LIG1: variants seen among roughly 807,000 people sequenced by gnomAD.
LIG1 encodes the protein ligase I, DNA, ATP-dependent.
A neutral mutation model predicts 115.7 loss-of-function variants in LIG1; 70 were observed. The ratio of observed to expected loss-of-function variants is 0.60; its 90% confidence interval spans 0.50 to 0.74. The LOEUF is 0.74. LIG1 is among the 30% of genes least tolerant of loss of function. The pLI is 0.00. For synonymous variants in LIG1, 487 were observed against 495.3 expected (o/e 0.98, Z 0.22); for missense variants, 1,115 against 1,225.6 (o/e 0.91, Z 1.35).
chr19:48,151,658 T>C (rs1021427415), intron 6 of LIG1, among the ~76,000 whole-genome samples: 4 of 152,124 alleles, frequency 2.6e-5, no homozygotes, highest in African/African-American at 4.8e-5. Context: ...CTTGAACTAC[T>C]GACCTCAGGT....
intron 4 of LIG1, among the ~76,000 whole-genome samples, chr19:48,159,709 A>C (rs2036060163): frequency 7.3e-6 from 1 of 136,868 alleles, no homozygotes; most frequent in Admixed American, 7.2e-5. Flanking sequence ...CCACTTGCTT[A>C]TTTATTTATT....
Position 48,143,560 on chromosome 19 carries a change from G to T in LIG1, c.897C>A (p.Ile299=), listed in dbSNP as rs150960491. 61 of 1,602,736 alleles carry T rather than the reference G, an allele frequency of 3.8e-5. No homozygotes were observed. Among genetic ancestry groups the T allele is most frequent in the Middle Eastern group, 3.3e-4 (2 of 5,976 alleles). ...TTAGTTACCGAGCAGACACCTCCTC[G>T]ATCTTCTCAAACGTCCGGGCCACAG... is the stretch of plus-strand genomic sequence containing the variant. ...YLAVARTFEK[I]EEVSARLRMV... Residue 299 remains isoleucine, a synonymous_variant, in exon 11 of 28, where the codon ATC becomes ATA. Transcript: ENST00000263274.
intron 17 of LIG1, 161 bp from the exon 18 acceptor site, chr19:48,133,258 G>T: frequency 1.6e-6 from 1 of 635,350 alleles, no homozygotes; most frequent in Non-Finnish European, 2.8e-6. Flanking sequence ...CTCCCACTGG[G>T]GACTACAGCC....
intron 9 of LIG1, 89 bp downstream of exon 9, chr19:48,149,674 G>T: frequency 2.0e-6 from 2 of 1,003,088 alleles, no homozygotes; most frequent in South Asian, 2.7e-5. Context: ...CCTGCAAGAG[G>T]AGGAAGCCTG....
chr19:48,139,067 T>A (rs1369099995), intron 12 of LIG1, among the ~76,000 whole-genome samples: 2 of 152,188 alleles, frequency 1.3e-5, no homozygotes, highest in African/African-American at 2.4e-5. Context: ...TCCCAGCACA[T>A]CCTCTCCCCA....
At chr19:48,135,618 CA>C in intron 16 of LIG1, 61 bp downstream of exon 16, 1 of 1,335,320 alleles carries the variant, frequency 7.5e-7, no homozygotes, top group Non-Finnish European at 1.1e-6. Flanking sequence ...CCTCTGGCTC[CA>C]CCCCCACCCT....
intron 5 of LIG1, chr19:48,154,548 G>A (rs2035715172): frequency 1.1e-5 from 2 of 183,274 alleles, no homozygotes; most frequent in Admixed American, 5.3e-5. Context: ...TGTGTTGGCT[G>A]CTCCCCTGTC....
rs189158499 is a variant in LIG1 at position 48,140,158 on chromosome 19, G to A, written c.915-15C>T. On this transcript the variant is annotated splice_polypyrimidine_tract_variant and intron_variant, in intron 11 of 27. Transcript: ENST00000263274. ...CCATCCGGAGCCTGGAGGAGGGGAC[G>A]GGGGTATGAACACGTGGTTCCTCAA... 1.5e-4 allele frequency: 242 copies of A among 1,610,264 alleles called. No individual in the cohort carries two copies. Among genetic ancestry groups the A allele is most frequent in the African/African-American group, 2.9e-4 (22 of 74,968 alleles).
Position 48,115,961 on chromosome 19 carries a change from T to C in LIG1, c.2588A>G (p.Asp863Gly), listed in dbSNP as rs1037193058. 2 of 1,613,270 alleles carry C rather than the reference T, an allele frequency of 1.2e-6. No homozygotes were observed. Among genetic ancestry groups the C allele is most frequent in the Non-Finnish European group, 1.7e-6 (2 of 1,179,752 alleles). The stretch of plus-strand genomic sequence containing the variant: ...GCGAAGGGAGATGCCCTTGTCACTA[T>C]CCACCTGCGGAAGCGGGATGGAGAC... ...PIYPAARGLV[D>G]SDKGISLRFP... Residue 863 changes from aspartate to glycine, a missense_variant, in exon 27 of 28, where the codon GAT becomes GGT. Coordinates refer to ENST00000263274, the MANE Select transcript of LIG1 (RefSeq NM_000234.3).
chr19:48,137,384 A>G lies in LIG1; in HGVS notation c.1254+138T>C, dbSNP rs2034457340. ...TCCCCTAGGATTGGGTGCAGGAAGG[A>G]GGAGAGGAAGCTGTGCACCCCATGA... On this transcript the variant is annotated intron_variant, in intron 13 of 27. Coordinates refer to ENST00000263274, the MANE Select transcript of LIG1 (RefSeq NM_000234.3). The surrounding 1 kb of genome is among the most constrained non-coding windows in gnomAD (Gnocchi z 4.3). 9.1e-7 allele frequency: 1 copy of G among 1,101,698 alleles called. No individual in the cohort carries two copies. The highest frequency in any genetic ancestry group is 1.4e-5 in the South Asian group (1 of 71,576). 68.2% of individuals were successfully genotyped at this position (1,101,698 alleles called of 1,614,324 possible). A position where few individuals can be genotyped will look rare whatever the true frequency, so the allele number is the denominator to read the frequency against.
chr19:48,130,630 T>C (rs1024144668), intron 19 of LIG1, among the ~76,000 whole-genome samples: 1 of 152,196 alleles, frequency 6.6e-6, no homozygotes, highest in African/African-American at 2.4e-5. Context: ...AACCCAGTGC[T>C]GGACAGTGAC....
At chr19:48,155,072 G>C (rs1663803363) in intron 5 of LIG1, among the ~76,000 whole-genome samples, 1 of 152,092 alleles carries the variant, frequency 6.6e-6, no homozygotes, top group African/African-American at 2.4e-5. Flanking sequence ...CTCTGAACAA[G>C]ATCCCCTGAC....
chr19:48,157,256 G>A, intron 4 of LIG1, 116 bp from the exon 5 acceptor site: 1 of 1,206,486 alleles, frequency 8.3e-7, no homozygotes, highest in Non-Finnish European at 1.1e-6. Flanking sequence ...CTGACCCTAT[G>A]GTCTCAGCCC....
chr19:48,120,308 T>G (rs2033175269), intron 24 of LIG1: 1 of 985,298 alleles, frequency 1.0e-6, no homozygotes, highest in African/African-American at 1.7e-5. Context: ...CTTAAGGGCA[T>G]ATACAACACT....
intron 9 of LIG1, among the ~76,000 whole-genome samples, chr19:48,146,757 T>C (rs2035140943): frequency 6.6e-6 from 1 of 152,236 alleles, no homozygotes; most frequent in African/African-American, 2.4e-5. Flanking sequence ...CTGATTTTAT[T>C]TGGAAAACAT....
intron 9 of LIG1, among the ~76,000 whole-genome samples, chr19:48,146,676 G>A (rs1026874085): frequency 2.6e-4 from 39 of 152,134 alleles, no homozygotes; most frequent in Non-Finnish European, 4.3e-4. Flanking sequence ...GCAAAACTCC[G>A]TCTCAAAAGA....
chr19:48,140,387 C>T (rs1391825933), intron 11 of LIG1, among the ~76,000 whole-genome samples: 2 of 152,182 alleles, frequency 1.3e-5, no homozygotes, highest in Admixed American at 1.3e-4. Flanking sequence ...CACACCTAAC[C>T]GATTCCATCT....
At chr19:48,123,421 T>G in intron 21 of LIG1, 103 bp from the exon 22 acceptor site, 1 of 1,366,630 alleles carries the variant, frequency 7.3e-7, no homozygotes, top group Non-Finnish European at 1.0e-6. Flanking sequence ...TCACAACTAG[T>G]GACAGGGTTC....
At chr19:48,152,233 A>G (rs1031228545) in intron 6 of LIG1, among the ~76,000 whole-genome samples, 5 of 151,908 alleles carry the variant, frequency 3.3e-5, no homozygotes, top group African/African-American at 1.2e-4. Flanking sequence ...AGGGATTCTC[A>G]TGCCTCAGCC....
Sources: gnomAD v4.1 joint callset for allele counts (sites outside exome capture counted in the v4.1 genomes callset) on GRCh38, gnomAD v4.1.1 for gene constraint, Gnocchi (gnomAD v3.1) non-coding constraint, MANE v1.5 for transcripts, NCBI Gene and HGNC (gene_info 2026-07-23, HGNC 2026-07-21) for gene names.